Variants in RMP64 observed in about 807,000 individuals in gnomAD.
RMP64 encodes the protein nucleolus and neural progenitor protein.
At chr3:113,005,784 T>C in the RMP64 span, 3 of 1,613,720 alleles carry the variant, frequency 1.9e-6, no homozygotes, top group Non-Finnish European at 2.5e-6. Context: ...AGTCTCCACT[T>C]AGCACTGGTA....
the RMP64 span, chr3:113,014,027 C>G: frequency 2.5e-6 from 4 of 1,609,420 alleles, no homozygotes; most frequent in Non-Finnish European, 3.4e-6. Flanking sequence ...TTAAACATTG[C>G]TCAACCTGAA....
chr3:113,004,909 T>C, the RMP64 span: 1 of 152,656 alleles, frequency 6.6e-6, no homozygotes, highest in Admixed American at 6.5e-5. Flanking sequence ...ATAAATAAAA[T>C]TAAAACGTTT....
chr3:113,014,305 G>A, the RMP64 span: 1 of 283,540 alleles, frequency 3.5e-6, no homozygotes, highest in African/African-American at 2.2e-5. Flanking sequence ...GTCATAAAAG[G>A]GACCAAAACG....
the RMP64 span, among the ~76,000 whole-genome samples, chr3:113,006,305 C>T: frequency 6.6e-6 from 1 of 152,190 alleles, no homozygotes; most frequent in African/African-American, 2.4e-5. Flanking sequence ...GAGCTTTTCC[C>T]TCATAACTGC....
the RMP64 span, among the ~76,000 whole-genome samples, chr3:113,015,856 A>G: frequency 6.7e-6 from 1 of 150,220 alleles, no homozygotes; most frequent in Non-Finnish European, 1.5e-5. Flanking sequence ...ATAGCCAAGA[A>G]TTTAAAAAAA....
chr3:113,004,004 C>T, the RMP64 span: 1 of 152,180 alleles, frequency 6.6e-6, no homozygotes, highest in Admixed American at 6.5e-5. Context: ...ACTAATTTAC[C>T]TTCTATTTCC....
chr3:113,002,656 AGTGT>A, the RMP64 span: 8,157 of 151,104 alleles, frequency 0.054, 531 homozygotes, highest in East Asian at 0.19. Context: ...CAGGATTTAC[AGTGT>A]GTGTGTGTGT....
At chr3:113,012,607 A>C in the RMP64 span, 11 of 572,266 alleles carry the variant, frequency 1.9e-5, no homozygotes, top group Admixed American at 3.2e-5. Context: ...ACTCTGATCA[A>C]ACCAAGAAAG....
the RMP64 span, chr3:113,010,525 A>G: frequency 2.0e-5 from 15 of 756,802 alleles, no homozygotes; most frequent in East Asian, 3.7e-4. Flanking sequence ...GACAACTAAG[A>G]AGGCACTAAG....
At chr3:113,008,719 AT>A in the RMP64 span, 1 of 266,088 alleles carries the variant, frequency 3.8e-6, no homozygotes, top group Non-Finnish European at 7.2e-6. Context: ...AGCTTTCCTT[AT>A]GTCTTTAAAA....
the RMP64 span, chr3:113,012,934 AAC>A: frequency 1.5e-6 from 1 of 665,468 alleles, no homozygotes; most frequent in South Asian, 1.8e-5. Context: ...AAAGCCTTAA[AAC>A]ACATTCTATT....
chr3:113,005,347 A>T, the RMP64 span: 3 of 583,132 alleles, frequency 5.1e-6, no homozygotes, highest in Admixed American at 9.0e-5. Context: ...GCCAAAAAAG[A>T]AATACTTGTT....
chr3:113,010,363 C>A, the RMP64 span: 2 of 363,722 alleles, frequency 5.5e-6, no homozygotes, highest in Non-Finnish European at 9.9e-6. Context: ...TACTCTTAAG[C>A]TGCAGTACAA....
the RMP64 span, among the ~76,000 whole-genome samples, chr3:113,007,550 C>T: frequency 6.6e-6 from 1 of 151,826 alleles, no homozygotes; most frequent in Admixed American, 6.5e-5. Context: ...AAATCATTAC[C>T]GTTAAGCCCT....
At chr3:113,019,357 A>C in the RMP64 span, among the ~76,000 whole-genome samples, 1 of 152,198 alleles carries the variant, frequency 6.6e-6, no homozygotes, top group Non-Finnish European at 1.5e-5. Context: ...AGGAATGCGA[A>C]GCCAGAGGCC....
At chr3:113,008,298 GT>G in the RMP64 span, 1 of 1,614,160 alleles carries the variant, frequency 6.2e-7, no homozygotes, top group Non-Finnish European at 8.5e-7. Flanking sequence ...TCTTCAGAAA[GT>G]TGTGTGAAGG....
At chr3:113,007,874 A>T in the RMP64 span, among the ~76,000 whole-genome samples, 13 of 152,312 alleles carry the variant, frequency 8.5e-5, no homozygotes, top group South Asian at 2.1e-3. Context: ...GTCTTTATGC[A>T]GTTGTATCCT....
chr3:113,006,865 C>G, the RMP64 span, among the ~76,000 whole-genome samples: 1 of 152,148 alleles, frequency 6.6e-6, no homozygotes, highest in Non-Finnish European at 1.5e-5. Flanking sequence ...GAGCAAAATC[C>G]TCCATTTACC....
At chr3:113,016,170 C>T in the RMP64 span, among the ~76,000 whole-genome samples, 3 of 152,040 alleles carry the variant, frequency 2.0e-5, no homozygotes, top group Admixed American at 2.0e-4. Flanking sequence ...TCACAGATCT[C>T]GTAAGCCAAA....
Sources: allele counts gnomAD v4.1 joint callset (sites outside exome capture counted in the v4.1 genomes callset), GRCh38; gene constraint gnomAD v4.1.1; transcripts MANE v1.5; gene names NCBI Gene and HGNC (gene_info 2026-07-23, HGNC 2026-07-21).